SYNPR: variants seen among roughly 807,000 people sequenced by gnomAD.
SYNPR encodes synaptoporin.
A neutral mutation model predicts 32.9 loss-of-function variants in SYNPR; 23 were observed. That is an observed-to-expected ratio of 0.70 (90% CI 0.50 to 0.99). The LOEUF is 0.99. Among genes scored for constraint, SYNPR ranks in the 50% least tolerant of loss-of-function variants. The pLI is 0.00. For missense variants in SYNPR, 318 were observed against 349.3 expected (o/e 0.91, Z 0.71); for synonymous variants, 146 against 135.9 (o/e 1.07, Z -0.52).
Position 63,502,456 on chromosome 3 carries a change from G to T in SYNPR, c.209+21500G>T, listed in dbSNP as rs144352454. Among the ~76,000 whole-genome samples, 265 of 152,114 alleles carry T rather than the reference G, an allele frequency of 1.7e-3. 4 individuals carry two copies. The highest frequency in any genetic ancestry group is 5.3e-3 in the African/African-American group (221 of 41,508). On this transcript the variant is annotated intron_variant, in intron 3 of 5. Coordinates refer to ENST00000478300, the MANE Select transcript of SYNPR (RefSeq NM_001130003.2). ...CACTCTTGTTGTTGTATGTTCTACG[G>T]GTTTGAGTAAATGTACAATGACATA... is the stretch of plus-strand genomic sequence containing the variant.
chr3:63,487,318 T>G (rs1241032909), intron 3 of SYNPR, among the ~76,000 whole-genome samples: 6 of 152,220 alleles, frequency 3.9e-5, no homozygotes, highest in African/African-American at 1.4e-4. Context: ...AAATTGCTTA[T>G]CACTTCTGTT....
intron 1 of SYNPR, among the ~76,000 whole-genome samples, chr3:63,242,794 A>G (rs2086258122): frequency 6.6e-6 from 1 of 152,122 alleles, no homozygotes; most frequent in Non-Finnish European, 1.5e-5. Flanking sequence ...TTATCTGAAA[A>G]AGACTTTATT....
At chr3:63,332,636 A>G (rs748135219) in intron 2 of SYNPR, among the ~76,000 whole-genome samples, 3 of 152,170 alleles carry the variant, frequency 2.0e-5, no homozygotes, top group Non-Finnish European at 2.9e-5. Context: ...TTGATGTCTC[A>G]GGCTTCTTCG....
intron 2 of SYNPR, among the ~76,000 whole-genome samples, chr3:63,420,202 G>A (rs1281414438): frequency 1.3e-5 from 2 of 151,978 alleles, no homozygotes; most frequent in Non-Finnish European, 2.9e-5. Context: ...AATATTTCAG[G>A]TATCCTGGTA....
Position 63,595,737 on chromosome 3 carries a change from AT to A in SYNPR, c.409-13387del, listed in dbSNP as rs1559546143. Among the ~76,000 whole-genome samples the A allele has an allele frequency of 8.3e-4, 29 of 35,150 alleles. 1 individual carries two copies. The highest frequency in any genetic ancestry group is 7.1e-3 in the African/African-American group (29 of 4,090). The allele number at this position is 35,150 out of a possible 152,430, so 23.1% of individuals were successfully genotyped here. ...TTATTTTATATATATATATATATAT[AT>A]ATATATATATATATATATATATATA... On this transcript the variant is annotated intron_variant, in intron 4 of 5. Transcript: ENST00000478300.
At chr3:63,419,491 C>A (rs1201547366) in intron 2 of SYNPR, among the ~76,000 whole-genome samples, 1 of 152,158 alleles carries the variant, frequency 6.6e-6, no homozygotes, top group African/African-American at 2.4e-5. Flanking sequence ...GCCCTCATGT[C>A]CTATCAGGTC....
chr3:63,443,190 C>T lies in SYNPR; in HGVS notation c.85-37642C>T, dbSNP rs1700212414. The T allele has an allele frequency of 3.9e-6, 5 of 1,290,256 alleles. No homozygotes were observed. In the South Asian group the frequency reaches 9.5e-5, roughly 25 times the overall value. The allele number at this position is 1,290,256 out of a possible 1,614,324, so 79.9% of individuals were successfully genotyped here. On this transcript the variant is annotated intron_variant, in intron 2 of 5. Transcript: ENST00000478300. ...GTTCACCAGAGGGGAGTATCAGGTT[C>T]CTGTACTCAGCTGTGGGTTGTCACT...
At chr3:63,560,753 TA>T (rs1702673641) in intron 4 of SYNPR, among the ~76,000 whole-genome samples, 2 of 152,080 alleles carry the variant, frequency 1.3e-5, no homozygotes, top group South Asian at 2.1e-4. Flanking sequence ...CAAACACTTA[TA>T]AAACCGTCAG....
intron 2 of SYNPR, among the ~76,000 whole-genome samples, chr3:63,407,916 T>A (rs2088383045): frequency 6.6e-6 from 1 of 152,010 alleles, no homozygotes; most frequent in Non-Finnish European, 1.5e-5. Context: ...GGAATTGGAA[T>A]GTCCAGTTGT....
intron 2 of SYNPR, among the ~76,000 whole-genome samples, chr3:63,363,145 A>G (rs1189000029): frequency 1.3e-5 from 2 of 152,124 alleles, no homozygotes; most frequent in East Asian, 1.9e-4. Context: ...CATAATTACC[A>G]CTTACCTTAT....
chr3:63,534,229 T>C, intron 3 of SYNPR, among the ~76,000 whole-genome samples: 1 of 152,144 alleles, frequency 6.6e-6, no homozygotes, highest in East Asian at 1.9e-4. Context: ...GAAGAAGTCA[T>C]CAAATAATGG....
At chr3:63,239,287 C>T (rs1177416095) in intron 1 of SYNPR, among the ~76,000 whole-genome samples, 1 of 70,854 alleles carries the variant, frequency 1.4e-5, no homozygotes, top group East Asian at 2.1e-4. Flanking sequence ...TCAAGTGTGT[C>T]ATGCACCCAT....
intron 3 of SYNPR, among the ~76,000 whole-genome samples, chr3:63,511,467 G>A (rs905398802): frequency 6.6e-6 from 1 of 152,128 alleles, no homozygotes; most frequent in Admixed American, 6.6e-5. Context: ...GGGAACACAG[G>A]CATTTGTTTC....
intron 2 of SYNPR, among the ~76,000 whole-genome samples, chr3:63,374,856 C>T (rs537045927): frequency 1.3e-4 from 20 of 152,252 alleles, no homozygotes; most frequent in African/African-American, 4.3e-4. Context: ...TTCCCCATTG[C>T]TTGTTTTTGT....
intron 3 of SYNPR, among the ~76,000 whole-genome samples, chr3:63,541,509 A>AG (rs1333819581): frequency 1.3e-5 from 2 of 152,130 alleles, no homozygotes; most frequent in African/African-American, 4.8e-5. Context: ...ACTGAATAGT[A>AG]GGGGGAGTTC....
rs143247406 is a variant in SYNPR at position 63,283,613 on chromosome 3, A to G, written c.84+4871A>G. Among the ~76,000 whole-genome samples the G allele has an allele frequency of 6.0e-3, 882 of 146,506 alleles. 6 individuals are homozygous for G. The highest frequency in any genetic ancestry group is 0.021 in the African/African-American group (837 of 39,916). On this transcript the variant is annotated intron_variant, in intron 2 of 5. Coordinates refer to ENST00000478300, the MANE Select transcript of SYNPR (RefSeq NM_001130003.2). ...CTAAGTTGGCATAGTCCTGTCTTCC[A>G]CAGATAATTCTTTTTTTTTTTTTTT...
chr3:63,370,451 T>C (rs2087797179), intron 2 of SYNPR, among the ~76,000 whole-genome samples: 1 of 152,220 alleles, frequency 6.6e-6, no homozygotes, highest in African/African-American at 2.4e-5. Flanking sequence ...CAATAAAGAA[T>C]CTATTGGATA....
At chr3:63,323,312 T>C (rs2087130689) in intron 2 of SYNPR, among the ~76,000 whole-genome samples, 1 of 152,042 alleles carries the variant, frequency 6.6e-6, no homozygotes, top group South Asian at 2.1e-4. Flanking sequence ...AAAGCCAACC[T>C]TCTTTCTTTC....
chr3:63,228,046 G>A (rs2086141966), upstream of SYNPR, among the ~76,000 whole-genome samples: 1 of 152,188 alleles, frequency 6.6e-6, no homozygotes, highest in African/African-American at 2.4e-5. Flanking sequence ...GGGTTTTAAG[G>A]AAGAGGGTGA....
Sources: gnomAD v4.1 joint callset for allele counts (sites outside exome capture counted in the v4.1 genomes callset) on GRCh38, gnomAD v4.1.1 for gene constraint, MANE v1.5 for transcripts, NCBI Gene and HGNC (gene_info 2026-07-23, HGNC 2026-07-21) for gene names.